Variants in TCERG1 observed in about 807,000 individuals in gnomAD.
TCERG1 encodes the protein transcription elongation regulator 1.
Under a neutral mutation model 144.7 loss-of-function variants are expected in TCERG1, and 37 were observed. That is an observed-to-expected ratio of 0.26 (90% CI 0.20 to 0.34). TCERG1 has a LOEUF of 0.34. Ranked by LOEUF, TCERG1 falls within the 10% of genes least tolerant of loss-of-function variation. The probability of loss-of-function intolerance (pLI) is 1.00; values close to 1 mark genes in which losing one functional copy is unlikely to be tolerated. For synonymous variants in TCERG1, 492 were observed against 458.2 expected (o/e 1.07, Z -0.94); for missense variants, 1,027 against 1,380.7 (o/e 0.74, Z 4.06).
intron 21 of TCERG1, among the ~76,000 whole-genome samples, chr5:146,508,564 A>G (rs1581590083): frequency 6.6e-6 from 1 of 152,234 alleles, no homozygotes; most frequent in Non-Finnish European, 1.5e-5. Flanking sequence ...TGACTGGGAA[A>G]GAGGGGTAGA....
intron 1 of TCERG1, among the ~76,000 whole-genome samples, chr5:146,449,634 T>C (rs1762187158): frequency 6.6e-6 from 1 of 152,230 alleles, no homozygotes; most frequent in Non-Finnish European, 1.5e-5. Context: ...AGAACTTCTA[T>C]TGTAGAAAAA....
intron 13 of TCERG1, 85 bp from the exon 14 acceptor site, chr5:146,482,507 G>A: frequency 1.4e-6 from 2 of 1,403,000 alleles, no homozygotes; most frequent in Non-Finnish European, 9.6e-7. Context: ...AGTGAGTCTT[G>A]AAAATTCCTT....
At chr5:146,483,431 GT>G in intron 14 of TCERG1, 108 bp from the exon 15 acceptor site, 1 of 950,304 alleles carries the variant, frequency 1.1e-6, no homozygotes, top group Non-Finnish European at 1.6e-6. Flanking sequence ...CTTCAGTATG[GT>G]TTTATGTCTC....
intron 4 of TCERG1, among the ~76,000 whole-genome samples, chr5:146,461,590 G>A (rs575965649): frequency 2.0e-5 from 3 of 152,254 alleles, no homozygotes; most frequent in Admixed American, 2.0e-4. Flanking sequence ...GAAAGTAAGA[G>A]GAATGGGTTG....
chr5:146,510,344 GA>G (rs1444644917), intron 22 of TCERG1, 96 bp from the exon 23 acceptor site: 1 of 700,156 alleles, frequency 1.4e-6, no homozygotes, highest in Non-Finnish European at 2.1e-6. Context: ...AAAAAAAATG[GA>G]AACACAATTA....
chr5:146,507,612 T>C lies in TCERG1; in HGVS notation c.2962-261T>C, dbSNP rs1768119559. The C allele has an allele frequency of 2.8e-6, 1 of 356,762 alleles. No individual in the cohort carries two copies. Among genetic ancestry groups the C allele is most frequent in the African/African-American group, 2.1e-5 (1 of 47,724 alleles). The allele number at this position is 356,762 out of a possible 1,614,324, so 22.1% of individuals were successfully genotyped here. On this transcript the variant is annotated intron_variant, in intron 20 of 22. Transcript: ENST00000679501. The surrounding 1 kb of genome is among the most constrained non-coding windows in gnomAD (Gnocchi z 4.6). ...GTGATGGTTTCTTCAGAAGTTATGA[T>C]GTTTGCCCATGTAAATACAGGGTTT... is the stretch of plus-strand genomic sequence containing the variant.
chr5:146,486,513 T>C lies in TCERG1; in HGVS notation c.2163+2884T>C, dbSNP rs143250746. On this transcript the variant is annotated intron_variant, in intron 15 of 22. Transcript: ENST00000679501. ...TCTGACATAGATAGTCGTTATGCTATTAACACTTTAAAATAAGTTCTCTCT... is the reference window on the plus strand; with the variant it reads ...TCTGACATAGATAGTCGTTATGCTACTAACACTTTAAAATAAGTTCTCTCT... Among the ~76,000 whole-genome samples the C allele has an allele frequency of 8.7e-4, 132 of 152,364 alleles. 1 individual carries two copies. The highest frequency in any genetic ancestry group is 3.0e-3 in the African/African-American group (125 of 41,592).
At chr5:146,475,264 G>C (rs1764727038) in intron 9 of TCERG1, among the ~76,000 whole-genome samples, 1 of 152,158 alleles carries the variant, frequency 6.6e-6, no homozygotes, top group South Asian at 2.1e-4. Flanking sequence ...CTACAGACAG[G>C]CAAGCAGGTC....
chr5:146,506,811 A>G (rs1768044254), intron 19 of TCERG1, among the ~76,000 whole-genome samples: 1 of 152,190 alleles, frequency 6.6e-6, no homozygotes, highest in Non-Finnish European at 1.5e-5. Context: ...AGGTTTATCC[A>G]TGCCATAAAT....
chr5:146,448,246 C>T (rs933112171), intron 1 of TCERG1, among the ~76,000 whole-genome samples: 2 of 152,200 alleles, frequency 1.3e-5, no homozygotes, highest in African/African-American at 4.8e-5. Context: ...TGAACTCAGG[C>T]AGTCAGGTTT....
At chr5:146,502,053 C>A (rs561198377) in intron 17 of TCERG1, among the ~76,000 whole-genome samples, 3 of 152,060 alleles carry the variant, frequency 2.0e-5, no homozygotes, top group South Asian at 2.1e-4. Context: ...TGCCACCACA[C>A]CCAGCTAACT....
At position 146,455,259 on chromosome 5, in the gene TCERG1, C is replaced by T. The variant is rs1359821596; in HGVS notation, c.263C>T (p.Pro88Leu). The T allele has an allele frequency of 6.2e-7, 1 of 1,614,206 alleles. No individual in the cohort carries two copies. The highest frequency in any genetic ancestry group is 1.7e-5 in the Admixed American group (1 of 60,026). ...PMPPPGGIPPPMGPPHLQRPP... is the reference protein window; with the variant it reads ...PMPPPGGIPPLMGPPHLQRPP... ...CCTCCTCCAGGAGGGATACCTCCAC[C>T]TATGGGCCCTCCACACCTCCAGGTA... is the stretch of plus-strand genomic sequence containing the variant. Residue 88 changes from proline to leucine, a missense_variant, in exon 2 of 23, where the codon CCT becomes CTT. This residue lies in a region of TCERG1 where 175 missense variants were observed against 197.0 expected (regional missense o/e 0.89). Coordinates refer to ENST00000679501, the MANE Select transcript of TCERG1 (RefSeq NM_001382548.1).
chr5:146,486,297 G>A (rs919801624), intron 15 of TCERG1, among the ~76,000 whole-genome samples: 2 of 152,172 alleles, frequency 1.3e-5, no homozygotes, highest in Non-Finnish European at 1.5e-5. Context: ...TTGTAGATTC[G>A]TGTACATTCT....
chr5:146,447,639 T>C (rs780258023), intron 1 of TCERG1, among the ~76,000 whole-genome samples: 6 of 152,242 alleles, frequency 3.9e-5, no homozygotes, highest in African/African-American at 1.4e-4. Context: ...TAGTGCTTTC[T>C]TGGGGCCTCG....
chr5:146,499,310 A>G (rs1483961012), intron 17 of TCERG1, among the ~76,000 whole-genome samples: 1 of 152,222 alleles, frequency 6.6e-6, no homozygotes, highest in African/African-American at 2.4e-5. Context: ...ATGTAGAAAA[A>G]TAACCTCTGG....
chr5:146,463,268 G>A (rs750863822), intron 4 of TCERG1, among the ~76,000 whole-genome samples: 4 of 152,018 alleles, frequency 2.6e-5, no homozygotes, highest in East Asian at 1.9e-4. Context: ...TTTTCAAGGC[G>A]CAGCATCCCA....
chr5:146,482,914 C>A (rs890048749), intron 14 of TCERG1, among the ~76,000 whole-genome samples, 187 bp downstream of exon 14: 1 of 152,056 alleles, frequency 6.6e-6, no homozygotes. Context: ...AACTAAATGC[C>A]ATTTTACTGT....
chr5:146,473,546 C>G (rs1764546193), intron 9 of TCERG1, among the ~76,000 whole-genome samples: 1 of 152,130 alleles, frequency 6.6e-6, no homozygotes, highest in Non-Finnish European at 1.5e-5. Context: ...ACATGCCATC[C>G]CAGGACTTTG....
chr5:146,502,949 C>A (rs1211708433), intron 17 of TCERG1: 2 of 152,056 alleles, frequency 1.3e-5, no homozygotes, highest in Non-Finnish European at 1.5e-5. Flanking sequence ...TTAAATAAAT[C>A]ATTTTTACCT....
Sources: gnomAD v4.1 joint callset for allele counts (sites outside exome capture counted in the v4.1 genomes callset) on GRCh38, gnomAD v4.1.1 for gene constraint, gnomAD v4.1.1 regional missense constraint, Gnocchi (gnomAD v3.1) non-coding constraint, MANE v1.5 for transcripts, NCBI Gene and HGNC (gene_info 2026-07-23, HGNC 2026-07-21) for gene names.